SPEF2: variants seen among roughly 807,000 people sequenced by gnomAD.
The protein encoded by SPEF2 is sperm flagella and cilia-associated protein 2.
In SPEF2, 187 loss-of-function variants were observed where a neutral mutation model predicts 224.6. The observed-to-expected ratio is 0.83, with a 90% CI of 0.74 to 0.94. The LOEUF (loss-of-function observed/expected upper bound fraction) is 0.94. SPEF2 is among the 40% of genes least tolerant of loss of function. The probability of loss-of-function intolerance (pLI) is 0.00; values close to 1 mark genes in which losing one functional copy is unlikely to be tolerated. For missense variants in SPEF2, 2,170 were observed against 2,135.6 expected (o/e 1.02, Z -0.32); for synonymous variants, 715 against 707.3 (o/e 1.01, Z -0.17).
At chr5:35,687,899 TTTGCAAGCAAAAAAAA>T (rs1156286553) in intron 10 of SPEF2, among the ~76,000 whole-genome samples, 2 of 152,076 alleles carry the variant, frequency 1.3e-5, no homozygotes, top group African/African-American at 4.8e-5. Context: ...TTTGTCAGCT[TTTGCAAGCAAAAAAAA>T]TTGCAAGCAA....
chr5:35,776,859 C>A (rs1440619733), intron 29 of SPEF2, among the ~76,000 whole-genome samples: 1 of 152,196 alleles, frequency 6.6e-6, no homozygotes, highest in African/African-American at 2.4e-5. Context: ...TTCTACTTTT[C>A]TGTTGAGTTC....
Position 35,786,518 on chromosome 5 carries a change from G to C in SPEF2, c.4448-5822G>C, listed in dbSNP as rs548496289. 9.2e-5 allele frequency among the ~76,000 whole-genome samples: 14 copies of C among 152,202 alleles called. No homozygotes were observed. In the South Asian group the frequency reaches 2.9e-3, roughly 32 times the overall value. ...CTAATAAAAATACAAAAATTAGCCG[G>C]GCGTGGTGGCAGTTGCTTGTATTCC... On this transcript the variant is annotated intron_variant, in intron 30 of 36. Coordinates refer to ENST00000356031, the MANE Select transcript of SPEF2 (RefSeq NM_024867.4).
intron 21 of SPEF2, among the ~76,000 whole-genome samples, chr5:35,737,960 G>C (rs987145921): frequency 1.3e-5 from 2 of 152,124 alleles, no homozygotes; most frequent in African/African-American, 4.8e-5. Flanking sequence ...TTCTCTGATG[G>C]CCAGTGATGA....
chr5:35,722,649 C>A (rs1335810425), intron 20 of SPEF2, among the ~76,000 whole-genome samples: 1 of 102,166 alleles, frequency 9.8e-6, no homozygotes, highest in Non-Finnish European at 1.9e-5. Flanking sequence ...CCCCACCCCA[C>A]AACAGTCCCC....
At chr5:35,648,293 T>TA (rs1747686029) in intron 5 of SPEF2, among the ~76,000 whole-genome samples, 1 of 152,020 alleles carries the variant, frequency 6.6e-6, no homozygotes, top group Non-Finnish European at 1.5e-5. Context: ...ATTCTAAAAT[T>TA]ACCACCTACA....
Position 35,700,720 on chromosome 5 carries a change from C to A in SPEF2, c.2366C>A (p.Thr789Asn). ...DFVILLDVSDTSSMSRMNDII... is the reference protein window; with the variant it reads ...DFVILLDVSDNSSMSRMNDII... ...GTCATATTATTAGATGTTTCAGATA[C>A]TTCCTCAATGAGTCGCATGAATGAT... is the stretch of plus-strand genomic sequence containing the variant. The change falls in exon 16 of 37, where the codon ACT (threonine) becomes AAT (asparagine). Residue 789 changes from threonine to asparagine, a missense_variant. By Grantham distance (65) the Thr-to-Asn change is moderately conservative. Coordinates refer to ENST00000356031, the MANE Select transcript of SPEF2 (RefSeq NM_024867.4). 1.2e-6 allele frequency: 2 copies of A among 1,613,964 alleles called. No individual in the cohort carries two copies. The highest frequency in any genetic ancestry group is 1.7e-6 in the Non-Finnish European group (2 of 1,179,902).
At chr5:35,805,744 G>T (rs532415609) in intron 34 of SPEF2, among the ~76,000 whole-genome samples, 2 of 152,068 alleles carry the variant, frequency 1.3e-5, no homozygotes, top group Non-Finnish European at 2.9e-5. Flanking sequence ...ACTCCTTAAT[G>T]CGTCTGCTTT....
chr5:35,811,026 A>G (rs572588269), intron 36 of SPEF2, among the ~76,000 whole-genome samples: 29 of 152,116 alleles, frequency 1.9e-4, no homozygotes, highest in East Asian at 3.9e-4. Context: ...TGAAAAGTCT[A>G]CATTCTAATA....
At chr5:35,768,140 C>A (rs575866032) in intron 26 of SPEF2, among the ~76,000 whole-genome samples, 1 of 151,956 alleles carries the variant, frequency 6.6e-6, no homozygotes, top group Admixed American at 6.6e-5. Flanking sequence ...TAGCATAATG[C>A]CCACATCAAA....
At position 35,779,154 on chromosome 5, in the gene SPEF2, G is replaced by A. The variant is rs1332665587; in HGVS notation, c.4255G>A (p.Glu1419Lys). The change falls in exon 30 of 37, where the codon GAA becomes AAA. Residue 1419 changes from glutamate (E) to lysine (K), a missense_variant. Physicochemically the swap from Glu to Lys is moderately conservative, Grantham distance 56. Transcript: ENST00000356031. ...AACTGACGTAGCTCGCTATCACATT[G>A]AAACATCTACAAAAATTCAGAATGA... ...KLTDVARYHI[E>K]TSTKIQNELY... The A allele has an allele frequency of 1.9e-6, 3 of 1,613,508 alleles. No individual in the cohort carries two copies. The East Asian group carries it at 6.7e-5, about 36-fold the overall frequency.
chr5:35,624,390 C>G (rs1485907169), intron 1 of SPEF2, among the ~76,000 whole-genome samples: 1 of 152,120 alleles, frequency 6.6e-6, no homozygotes, highest in African/African-American at 2.4e-5. Context: ...CTCCATTGTT[C>G]CTTGTTCTGG....
chr5:35,629,952 T>C (rs1002201407), intron 2 of SPEF2, among the ~76,000 whole-genome samples: 5 of 152,360 alleles, frequency 3.3e-5, no homozygotes, highest in African/African-American at 1.2e-4. Context: ...TATTTATCAA[T>C]TGATGGTTAC....
rs761194211 is a variant in SPEF2 at position 35,788,027 on chromosome 5, G to A, written c.4448-4313G>A. ...TGAGCTATTAAATCTTATGTTCTGC[G>A]CCTTGTGTCGTAAGCATGGAGTGAA... On this transcript the variant is annotated intron_variant, in intron 30 of 36. Coordinates refer to ENST00000356031, the MANE Select transcript of SPEF2 (RefSeq NM_024867.4). The A allele has an allele frequency of 1.4e-4, 99 of 702,446 alleles. 1 individual carries two copies. The highest frequency in any genetic ancestry group is 4.4e-4 in the South Asian group (30 of 67,548). The allele number at this position is 702,446 out of a possible 1,614,324, so 43.5% of individuals were successfully genotyped here.
intron 20 of SPEF2, among the ~76,000 whole-genome samples, chr5:35,725,561 T>G (rs1052089430): frequency 2.0e-5 from 3 of 152,294 alleles, no homozygotes; most frequent in Admixed American, 1.3e-4. Context: ...GTTTTCCTAA[T>G]GTCCTCTCAT....
At chr5:35,703,193 A>G (rs1173582297) in intron 16 of SPEF2, among the ~76,000 whole-genome samples, 1 of 151,918 alleles carries the variant, frequency 6.6e-6, no homozygotes, top group Non-Finnish European at 1.5e-5. Flanking sequence ...TAGCTAGGGA[A>G]TTAGTAAGAA....
At chr5:35,720,853 C>T (rs1290992550) in intron 20 of SPEF2, among the ~76,000 whole-genome samples, 1 of 152,142 alleles carries the variant, frequency 6.6e-6, no homozygotes, top group Non-Finnish European at 1.5e-5. Context: ...ATTCAAAAAG[C>T]CAGGTGCCAG....
In SPEF2 at chr5:35,739,845, C is replaced by T; in HGVS notation, c.3064-74C>T. 8.3e-6 allele frequency: 13 copies of T among 1,558,692 alleles called. No homozygotes were observed. The South Asian group carries it at 1.6e-4, about 19-fold the overall frequency. On this transcript the variant is annotated intron_variant, in intron 21 of 36. Transcript: ENST00000356031. ...TGCATCTTGACCTTTTTGCTTGGGA[C>T]TGTTCTTTTGACACTATTATTCAGA... is the stretch of plus-strand genomic sequence containing the variant.
intron 14 of SPEF2, 59 bp downstream of exon 14, chr5:35,695,855 T>C: frequency 1.6e-6 from 2 of 1,290,272 alleles, no homozygotes; most frequent in African/African-American, 3.0e-5. Context: ...TGATTAATGG[T>C]GTTTTGGAGT....
intron 23 of SPEF2, among the ~76,000 whole-genome samples, chr5:35,751,013 G>GTATATATATACGTA (rs1554048612): frequency 2.2e-5 from 2 of 90,756 alleles, no homozygotes; most frequent in Non-Finnish European, 4.3e-5. Flanking sequence ...ATATATATAC[G>GTATATATATACGTA]TATATATATA....
Sources: allele counts gnomAD v4.1 joint callset (sites outside exome capture counted in the v4.1 genomes callset), GRCh38; gene constraint gnomAD v4.1.1; transcripts MANE v1.5; gene names NCBI Gene and HGNC (gene_info 2026-07-23, HGNC 2026-07-21).